ZFP62: variants seen among roughly 807,000 people sequenced by gnomAD.
The protein encoded by ZFP62 is ZFP62 zinc finger protein, also known as zinc finger protein 62 homolog.
ZFP62 carries 44 observed loss-of-function variants against 56.4 expected under a neutral mutation model. That is an observed-to-expected ratio of 0.78 (90% CI 0.61 to 1.00). ZFP62 has a LOEUF of 1.00. ZFP62 is among the 50% of genes least tolerant of loss of function. The probability of loss-of-function intolerance (pLI) is 0.00; values close to 1 mark genes in which losing one functional copy is unlikely to be tolerated. For missense variants in ZFP62, 1,030 were observed against 1,085.7 expected, an observed-to-expected ratio of 0.95 and a Z score of 0.72; for synonymous variants, 421 against 388.9, an observed-to-expected ratio of 1.08 and a Z score of -0.97.
downstream of ZFP62, among the ~76,000 whole-genome samples, chr5:180,845,314 A>C: frequency 8.1e-6 from 1 of 123,186 alleles, no homozygotes; most frequent in South Asian, 3.0e-4. Flanking sequence ...GGGCGACAGA[A>C]CGAGACCGTC....
At chr5:180,857,521 C>T (rs556117180) in intron 1 of ZFP62, among the ~76,000 whole-genome samples, 8 of 152,110 alleles carry the variant, frequency 5.3e-5, no homozygotes, top group Non-Finnish European at 1.2e-4. Context: ...TTTTTTGAGA[C>T]TGAGTCTTGC....
intron 1 of ZFP62, among the ~76,000 whole-genome samples, chr5:180,851,731 C>A (rs945485313): frequency 6.6e-6 from 1 of 152,140 alleles, no homozygotes; most frequent in African/African-American, 2.4e-5. Context: ...TTCAATGGAA[C>A]AATGAGCTTT....
At chr5:180,831,310 T>C in the ZFP62 span, 1 of 152,182 alleles carries the variant, frequency 6.6e-6, no homozygotes, top group African/African-American at 2.4e-5. Flanking sequence ...TCCCGCCCTC[T>C]CCTCCGCTTG....
chr5:180,855,080 T>A (rs1773900357), intron 1 of ZFP62, among the ~76,000 whole-genome samples: 1 of 152,214 alleles, frequency 6.6e-6, no homozygotes, highest in Non-Finnish European at 1.5e-5. Context: ...TACGCTGAAG[T>A]ATTTAGGGAT....
chr5:180,845,875 A>G, downstream of ZFP62: 2 of 985,458 alleles, frequency 2.0e-6, no homozygotes. Context: ...GTGTCTTCAT[A>G]CACAAAACAT....
In ZFP62 at chr5:180,851,142, C is replaced by T. The variant is rs140539381; in HGVS notation, c.353G>A (p.Arg118His). ...IGQRGSEQGK[R>H]VENINGTSYP... Reference sequence around the variant, plus strand: ...GGAGGTTCCATTAATGTTCTCCACACGTTTGCCTTGCTCACTGCCTCTCTG... The same window carrying T: ...GGAGGTTCCATTAATGTTCTCCACATGTTTGCCTTGCTCACTGCCTCTCTG... The change falls in exon 2 of 2, where the codon CGT becomes CAT. Residue 118 changes from arginine to histidine, a missense_variant. By Grantham distance (29) the Arg-to-His change is conservative. Transcript: ENST00000502412. The T allele has an allele frequency of 4.7e-4, 731 of 1,551,730 alleles. 4 individuals are homozygous for T. In the African/African-American group the frequency reaches 8.5e-3, roughly 18 times the overall value.
Position 180,848,973 on chromosome 5 carries a change from C to A in ZFP62, c.2522G>T (p.Arg841Leu). The change falls in exon 2 of 2, where the codon CGA becomes CTA. Residue 841 changes from arginine (R) to leucine (L), a missense_variant. By Grantham distance (102) the Arg-to-Leu change is moderately radical. Transcript: ENST00000502412. ...AAAAGCCTTACCACACTCATTACATCGGTATGGCTTCTTTCCAGTGTGGAT... is the reference window on the plus strand; with the variant it reads ...AAAAGCCTTACCACACTCATTACATAGGTATGGCTTCTTTCCAGTGTGGAT... Reference protein sequence around the residue: ...KRIHTGKKPYRCNECGKAFNI... With the variant: ...KRIHTGKKPYLCNECGKAFNI... 2 of 1,551,824 alleles carry A rather than the reference C, an allele frequency of 1.3e-6. No homozygotes were observed. Among genetic ancestry groups the A allele is most frequent in the African/African-American group, 1.4e-5 (1 of 73,172 alleles).
intron 1 of ZFP62, among the ~76,000 whole-genome samples, chr5:180,855,778 T>C (rs1773937067): frequency 6.6e-6 from 1 of 152,190 alleles, no homozygotes; most frequent in Non-Finnish European, 1.5e-5. Flanking sequence ...AAGGCCTTAG[T>C]TTGAGCCTTC....
In ZFP62 at chr5:180,848,007, A is replaced by G; in HGVS notation, c.*785T>C. 2 of 985,442 alleles carry G rather than the reference A, an allele frequency of 2.0e-6. No homozygotes were observed. Among genetic ancestry groups the G allele is most frequent in the Non-Finnish European group, 2.4e-6 (2 of 829,936 alleles). 61.0% of individuals were successfully genotyped at this position (985,442 alleles called of 1,614,324 possible). On this transcript the variant is annotated 3_prime_UTR_variant, in exon 2 of 2. Transcript: ENST00000502412. ...TCTCCACGGTAGAACCTTTTATTGT[A>G]GCATAATGTGTGAATACCACTTCCA...
intron 1 of ZFP62, among the ~76,000 whole-genome samples, chr5:180,856,978 A>G (rs2619757): frequency 4.6e-5 from 6 of 129,804 alleles, no homozygotes; most frequent in Non-Finnish European, 3.2e-5. Flanking sequence ...AAAAAAAAAA[A>G]GCAAATACAG....
Position 180,850,559 on chromosome 5 carries a change from A to G in ZFP62, c.936T>C (p.Asp312=). 1 of 1,557,392 alleles carries G rather than the reference A, an allele frequency of 6.4e-7. No homozygotes were observed. The highest frequency in any genetic ancestry group is 1.2e-5 in the South Asian group (1 of 84,584). ...IHTGEKPYEC[D]ECGKAFITCR... ...AAGTAATGAAGGCCTTCCCACACTCATCACATTCGTAAGGTTTCTCACCTG... is the reference window on the plus strand; with the variant it reads ...AAGTAATGAAGGCCTTCCCACACTCGTCACATTCGTAAGGTTTCTCACCTG... The change falls in exon 2 of 2, where the codon GAT becomes GAC. Residue 312 remains aspartate (D), a synonymous_variant. Transcript: ENST00000502412.
chr5:180,860,686 G>C (rs1285896153), intron 1 of ZFP62: 1 of 38,598 alleles, frequency 2.6e-5, no homozygotes, highest in Non-Finnish European at 5.1e-5. Context: ...ATCACTCACC[G>C]ACCAAAAAAA....
At chr5:180,861,112 C>T (rs1380384701) in intron 1 of ZFP62, 107 bp downstream of exon 1, 2 of 398,378 alleles carry the variant, frequency 5.0e-6, no homozygotes, top group Middle Eastern at 4.5e-4. Flanking sequence ...CGCTTACTCC[C>T]ACATCCCGCC....
chr5:180,856,248 C>T (rs1301956945), intron 1 of ZFP62, among the ~76,000 whole-genome samples: 3 of 152,120 alleles, frequency 2.0e-5, no homozygotes, highest in Non-Finnish European at 4.4e-5. Flanking sequence ...TCATCCAATC[C>T]TCTTCTTGAG....
chr5:180,849,966 C>T lies in ZFP62; in HGVS notation c.1529G>A (p.Cys510Tyr), dbSNP rs1373441944. Residue 510 changes from cysteine (C) to tyrosine (Y), a missense_variant, in exon 2 of 2, where the codon TGT becomes TAT. By Grantham distance (194) the Cys-to-Tyr change is radical. Transcript: ENST00000502412. Reference protein sequence around the residue: ...LGEKPYKCSYCEKSFNYSSAL... With the variant: ...LGEKPYKCSYYEKSFNYSSAL... ...AGAGCTGTAGTTGAAGGATTTCTCA[C>T]AATAGCTACATTTATAGGGCTTCTC... 1.3e-6 allele frequency: 2 copies of T among 1,551,716 alleles called. No homozygotes were observed. The highest frequency in any genetic ancestry group is 1.4e-5 in the African/African-American group (1 of 73,166).
the ZFP62 span, among the ~76,000 whole-genome samples, chr5:180,841,266 CACATATATATATACAT>C: frequency 3.5e-5 from 5 of 143,586 alleles, no homozygotes; most frequent in East Asian, 2.0e-4. Flanking sequence ...CACACACACA[CACATATATATATACAT>C]ACATATATAT....
At chr5:180,854,302 T>G (rs1208390263) in intron 1 of ZFP62, among the ~76,000 whole-genome samples, 1 of 152,196 alleles carries the variant, frequency 6.6e-6, no homozygotes, top group Non-Finnish European at 1.5e-5. Flanking sequence ...CCGTAATAAC[T>G]AAGTATAGTG....
Position 180,850,487 on chromosome 5 carries a change from G to C in ZFP62, c.1008C>G (p.Pro336=), listed in dbSNP as rs1343508950. 6.4e-7 allele frequency: 1 copy of C among 1,552,524 alleles called. No individual in the cohort carries two copies. Among genetic ancestry groups the C allele is most frequent in the East Asian group, 2.4e-5 (1 of 40,940 alleles). ...NHKSIHFGDK[P]YKCDECEKSF... is the part of the protein sequence containing the mutation. The stretch of plus-strand genomic sequence containing the variant: ...ATTTCTCACACTCATCACATTTATA[G>C]GGTTTATCTCCAAAGTGGATGCTTT... The change falls in exon 2 of 2, where the codon CCC becomes CCG. Residue 336 remains proline, a synonymous_variant. Transcript: ENST00000502412.
Position 180,851,330 on chromosome 5 carries a change from C to T in ZFP62, c.165G>A (p.Lys55=). ...WDSKVENQQK[K]PVENRMKEDK... ...CCTCCTTCATCCTGTTTTCCACAGG[C>T]TTTTTCTGTTGATTCTCTACCTTGC... Residue 55 remains lysine, a synonymous_variant, in exon 2 of 2, where the codon AAG becomes AAA. Coordinates refer to ENST00000502412, the MANE Select transcript of ZFP62 (RefSeq NM_001172638.2). 1 of 1,551,666 alleles carries T rather than the reference C, an allele frequency of 6.4e-7. No individual in the cohort carries two copies. Among genetic ancestry groups the T allele is most frequent in the South Asian group, 1.2e-5 (1 of 84,048 alleles).
Sources: gnomAD v4.1 joint callset for allele counts (sites outside exome capture counted in the v4.1 genomes callset) on GRCh38, gnomAD v4.1.1 for gene constraint, MANE v1.5 for transcripts, NCBI Gene and HGNC (gene_info 2026-07-23, HGNC 2026-07-21) for gene names.